The following TMEM67 variants were observed in gnomAD, a reference collection of about 807,000 sequenced individuals.
The protein encoded by TMEM67 is meckelin.
Under a neutral mutation model 136.6 loss-of-function variants are expected in TMEM67, and 124 were observed. The ratio of observed to expected loss-of-function variants is 0.91; its 90% CI spans 0.78 to 1.05. The LOEUF (loss-of-function observed/expected upper bound fraction) is 1.05. Among genes scored for constraint, TMEM67 ranks in the 50% least tolerant of loss-of-function variants. The pLI is 0.00. For synonymous variants in TMEM67, 364 were observed against 390.5 expected (o/e 0.93, Z 0.80); for missense variants, 1,107 against 1,178.4 (o/e 0.94, Z 0.89).
At chr8:93,757,993 T>G (rs1348813296) in intron 2 of TMEM67, among the ~76,000 whole-genome samples, 1 of 152,174 alleles carries the variant, frequency 6.6e-6, no homozygotes, top group Admixed American at 6.5e-5. Context: ...TGGCCTCAAG[T>G]GATCCACCCA....
chr8:93,816,556 T>C lies in TMEM67; in HGVS notation c.*104T>C, dbSNP rs1808917043. 7 of 609,614 alleles carry C rather than the reference T, an allele frequency of 1.1e-5. No homozygotes were observed. The highest frequency in any genetic ancestry group is 1.8e-5 in the Non-Finnish European group (6 of 336,860). 37.8% of individuals were successfully genotyped at this position (609,614 alleles called of 1,614,324 possible). On this transcript the variant is annotated 3_prime_UTR_variant, in exon 28 of 28. Transcript: ENST00000453321. ...TTTTTAAAACTTATAATGCAGACTA[T>C]TCTGTTTTTGTTTTTTATTTGCAGA... is the stretch of plus-strand genomic sequence containing the variant.
At chr8:93,828,749 A>C in the TMEM67 span, among the ~76,000 whole-genome samples, 1 of 151,874 alleles carries the variant, frequency 6.6e-6, no homozygotes, top group Non-Finnish European at 1.5e-5. Flanking sequence ...TCTCAAAAAA[A>C]AAAAAAAAAA....
At chr8:93,783,186 G>C (rs1813926856) in intron 11 of TMEM67, among the ~76,000 whole-genome samples, 2 of 152,048 alleles carry the variant, frequency 1.3e-5, no homozygotes, top group South Asian at 2.1e-4. Flanking sequence ...GGGTTTTGCT[G>C]TGTTGACCAC....
In TMEM67 at chr8:93,799,639, G is replaced by A. The variant is rs149475825; in HGVS notation, c.2122G>A (p.Ala708Thr). ...FLEVVGFKNL[A>T]LMDSSSSLSR... ...CCAGGTTGTGGGATTCAAGAACTTAGCATTAATGGACTCATCTTCTAGTCT... is the reference window on the plus strand; with the variant it reads ...CCAGGTTGTGGGATTCAAGAACTTAACATTAATGGACTCATCTTCTAGTCT... Residue 708 changes from alanine to threonine, a missense_variant, in exon 21 of 28, where the codon GCA (alanine) becomes ACA (threonine). Physicochemically the swap from Ala to Thr is moderately conservative, Grantham distance 58. Coordinates refer to ENST00000453321, the MANE Select transcript of TMEM67 (RefSeq NM_153704.6). 8.7e-6 allele frequency: 14 copies of A among 1,612,804 alleles called. No individual in the cohort carries two copies. In the Admixed American group the frequency reaches 1.7e-4, roughly 19 times the overall value.
chr8:93,797,065 C>A, intron 18 of TMEM67, 69 bp from the exon 19 acceptor site: 2 of 881,128 alleles, frequency 2.3e-6, no homozygotes, highest in South Asian at 1.3e-5. Context: ...CTTAAAGAGT[C>A]AATATTGGTT....
downstream of TMEM67, among the ~76,000 whole-genome samples, chr8:93,821,456 T>C (rs1483975176): frequency 6.6e-6 from 1 of 152,068 alleles, no homozygotes; most frequent in African/African-American, 2.4e-5. Context: ...TAATTTTAAA[T>C]TTTTTTGTAG....
Position 93,791,295 on chromosome 8 carries a change from T to C in TMEM67, c.1551T>C (p.His517=), listed in dbSNP as rs1337874167. ...TCTCAGTCACATATGAAATGGATCA[T>C]GGAGAAGCACATGTCCAGACAGATG... ...VSFSVTYEMD[H]GEAHVQTDIA... Residue 517 remains histidine (H), a synonymous_variant, in exon 15 of 28, where the codon CAT becomes CAC. Coordinates refer to ENST00000453321, the MANE Select transcript of TMEM67 (RefSeq NM_153704.6). The C allele has an allele frequency of 6.2e-7, 1 of 1,606,470 alleles. No individual in the cohort carries two copies. Among genetic ancestry groups the C allele is most frequent in the African/African-American group, 1.3e-5 (1 of 74,784 alleles).
Position 93,812,384 on chromosome 8 carries a change from A to C in TMEM67, c.2764+2497A>C, listed in dbSNP as rs577605829. Among the ~76,000 whole-genome samples the C allele has an allele frequency of 2.0e-5, 3 of 152,196 alleles. No individual in the cohort carries two copies. In the South Asian group the frequency reaches 6.2e-4, roughly 32 times the overall value. On this transcript the variant is annotated intron_variant, in intron 26 of 27. Transcript: ENST00000453321. Reference sequence around the variant, plus strand: ...TGTAATACCAGCCCTTTGGGAGGCCAAGGCAGGCGGTCACTTGACCCCAGC... The same window carrying C: ...TGTAATACCAGCCCTTTGGGAGGCCCAGGCAGGCGGTCACTTGACCCCAGC...
In TMEM67 at chr8:93,809,136, A is replaced by C. The variant is rs751280079; in HGVS notation, c.2636A>C (p.Lys879Thr). 12 of 1,602,546 alleles carry C rather than the reference A, an allele frequency of 7.5e-6. No homozygotes were observed. Among genetic ancestry groups the C allele is most frequent in the South Asian group, 2.2e-5 (2 of 90,830 alleles). The change falls in exon 25 of 28, where the codon AAA becomes ACA. Residue 879 changes from lysine to threonine, a missense_variant. Lys to Thr is a moderately conservative substitution (Grantham distance 78). Around this residue, in one of 3 missense-constraint regions of TMEM67, gnomAD observed 925 missense variants for 1,002.4 expected, o/e 0.92. Coordinates refer to ENST00000453321, the MANE Select transcript of TMEM67 (RefSeq NM_153704.6). ...QSIKAYHMMN[K>T]FLGSFIDHVH... Reference sequence around the variant, plus strand: ...ATAAAAGCATATCATATGATGAATAAATTTCTTGGCTCCTTCATTGACCAT... The same window carrying C: ...ATAAAAGCATATCATATGATGAATACATTTCTTGGCTCCTTCATTGACCAT...
At chr8:93,772,694 A>T in intron 7 of TMEM67, 43 bp downstream of exon 7, 1 of 1,447,550 alleles carries the variant, frequency 6.9e-7, no homozygotes, top group Non-Finnish European at 9.6e-7. Context: ...TATTTTGAAG[A>T]ATTATACCAT....
chr8:93,808,028 A>G (rs1436969749), intron 23 of TMEM67, among the ~76,000 whole-genome samples: 1 of 151,832 alleles, frequency 6.6e-6, no homozygotes. Context: ...AAATGTTTAG[A>G]AAACAAAAAA....
At chr8:93,829,648 T>A in the TMEM67 span, among the ~76,000 whole-genome samples, 1 of 152,220 alleles carries the variant, frequency 6.6e-6, no homozygotes, top group Non-Finnish European at 1.5e-5. Context: ...GACTTTTTTT[T>A]AACTTTCTGA....
chr8:93,815,476 C>T, intron 27 of TMEM67, 29 bp downstream of exon 27: 2 of 1,581,834 alleles, frequency 1.3e-6, no homozygotes, highest in Admixed American at 1.7e-5. Context: ...TCTACATTTT[C>T]CTTCATTTTC....
At chr8:93,758,933 A>G (rs1444513233) in intron 3 of TMEM67, 1 of 167,498 alleles carries the variant, frequency 6.0e-6, no homozygotes, top group Non-Finnish European at 1.3e-5. Flanking sequence ...TTTTGTACAA[A>G]TTAATGATAC....
intron 8 of TMEM67, 61 bp downstream of exon 8, chr8:93,780,808 A>T: frequency 6.3e-7 from 1 of 1,590,422 alleles, no homozygotes; most frequent in Admixed American, 1.7e-5. Context: ...TTATTAATAT[A>T]TTCACAAATA....
chr8:93,805,224 G>A (rs969784925), intron 23 of TMEM67, among the ~76,000 whole-genome samples: 1 of 152,054 alleles, frequency 6.6e-6, no homozygotes, highest in Non-Finnish European at 1.5e-5. Context: ...ACCCACCTTG[G>A]CCTCCCAAAG....
intron 21 of TMEM67, among the ~76,000 whole-genome samples, chr8:93,802,433 G>A (rs929183049): frequency 8.5e-5 from 13 of 152,174 alleles, no homozygotes; most frequent in Non-Finnish European, 2.9e-5. Flanking sequence ...TAAAGAGAAA[G>A]GATTGTTGGG....
chr8:93,766,292 G>A (rs1315862364), intron 6 of TMEM67, among the ~76,000 whole-genome samples: 3 of 151,956 alleles, frequency 2.0e-5, no homozygotes, highest in South Asian at 4.2e-4. Context: ...CTAATTTTTT[G>A]TATTTTCAGT....
In TMEM67 at chr8:93,755,075, A is replaced by G. The variant is rs386834188; in HGVS notation, c.161A>G (p.Tyr54Cys). Reference sequence around the variant, plus strand: ...CCGGAGAAGTGCGACAACAACCAGTACTTTGATATCTCCGCCCTCTCGTGT... The same window carrying G: ...CCGGAGAAGTGCGACAACAACCAGTGCTTTGATATCTCCGCCCTCTCGTGT... The part of the protein sequence containing the change: ...QQPEKCDNNQ[Y>C]FDISALSCVP... Residue 54 changes from tyrosine to cysteine, a missense_variant, in exon 1 of 28, where the codon TAC (tyrosine) becomes TGC (cysteine). Tyr to Cys is a radical substitution (Grantham distance 194, BLOSUM62 -2). Transcript: ENST00000453321. The G allele has an allele frequency of 1.9e-6, 3 of 1,614,078 alleles. No individual in the cohort carries two copies. Among genetic ancestry groups the G allele is most frequent in the Non-Finnish European group, 2.5e-6 (3 of 1,180,054 alleles).
Sources: gnomAD v4.1 joint callset for allele counts (sites outside exome capture counted in the v4.1 genomes callset) on GRCh38, gnomAD v4.1.1 for gene constraint, gnomAD v4.1.1 regional missense constraint, MANE v1.5 for transcripts, NCBI Gene and HGNC (gene_info 2026-07-23, HGNC 2026-07-21) for gene names.